The following SMCO4 variants were observed in gnomAD, a reference collection of about 807,000 sequenced individuals.
SMCO4 encodes the protein single-pass membrane and coiled-coil domain-containing protein 4.
Under a neutral mutation model 3.6 loss-of-function variants are expected in SMCO4, and 4 were observed. The observed-to-expected ratio is 1.11, with a 90% CI of 0.54 to 2.53. SMCO4 has a LOEUF of 2.53. SMCO4 is among the 30% of genes most tolerant of loss of function. SMCO4 has a pLI of 0.02. For missense variants in SMCO4, 70 were observed against 80.8 expected (o/e 0.87, Z 0.51); for synonymous variants, 36 against 35.3 (o/e 1.02, Z -0.07).
intron 1 of SMCO4, among the ~76,000 whole-genome samples, chr11:93,538,942 G>A: frequency 6.6e-6 from 1 of 152,106 alleles, no homozygotes; most frequent in Non-Finnish European, 1.5e-5. Flanking sequence ...GACCCTCTCT[G>A]CCTACAGGAC....
At chr11:93,479,387 G>T in intron 2 of SMCO4, 118 bp from the exon 3 acceptor site, 1 of 989,550 alleles carries the variant, frequency 1.0e-6, no homozygotes, top group Non-Finnish European at 1.4e-6. Context: ...AAAGGGCTAA[G>T]AACAGAGGCC....
intron 1 of SMCO4, among the ~76,000 whole-genome samples, chr11:93,538,100 C>T (rs909492106): frequency 2.6e-5 from 4 of 152,218 alleles, no homozygotes; most frequent in Non-Finnish European, 5.9e-5. Context: ...CCAGTATATT[C>T]CTGACATGGC....
intron 1 of SMCO4, among the ~76,000 whole-genome samples, chr11:93,501,254 A>T (rs968684518): frequency 7.2e-5 from 11 of 152,218 alleles, no homozygotes; most frequent in Non-Finnish European, 1.3e-4. Context: ...TAGCAATATG[A>T]GAAAGAGAGA....
intron 1 of SMCO4, among the ~76,000 whole-genome samples, chr11:93,534,276 A>G (rs2134635277): frequency 6.7e-6 from 1 of 148,886 alleles, no homozygotes; most frequent in East Asian, 2.0e-4. Flanking sequence ...ACATATATAT[A>G]TACATATATA....
chr11:93,504,167 C>T (rs2134601720), intron 1 of SMCO4, among the ~76,000 whole-genome samples: 1 of 152,300 alleles, frequency 6.6e-6, no homozygotes, highest in South Asian at 2.1e-4. Flanking sequence ...ATTTCTGCAA[C>T]TCCAACTTAA....
upstream of SMCO4, among the ~76,000 whole-genome samples, chr11:93,545,588 CA>C (rs143549634): frequency 0.35 from 29,950 of 84,410 alleles, 2,522 homozygotes; most frequent in Middle Eastern, 0.49. Flanking sequence ...AACTCTGTCT[CA>C]AAAAAAAAAA....
chr11:93,495,955 T>G (rs752456747), intron 2 of SMCO4, among the ~76,000 whole-genome samples: 5 of 152,196 alleles, frequency 3.3e-5, no homozygotes, highest in Admixed American at 6.5e-5. Context: ...GGGGAGAATG[T>G]CTCACAAGCT....
At chr11:93,491,521 T>C (rs1948717421) in intron 2 of SMCO4, among the ~76,000 whole-genome samples, 1 of 152,166 alleles carries the variant, frequency 6.6e-6, no homozygotes, top group Non-Finnish European at 1.5e-5. Flanking sequence ...GCTCCCACCT[T>C]AGAAGTGAGA....
intron 1 of SMCO4, among the ~76,000 whole-genome samples, chr11:93,540,089 C>T (rs1183814732): frequency 1.3e-5 from 2 of 152,148 alleles, no homozygotes; most frequent in Non-Finnish European, 2.9e-5. Context: ...AAGACAATCA[C>T]AGGCCCTGGA....
chr11:93,489,109 G>C (rs1437907824), intron 2 of SMCO4, among the ~76,000 whole-genome samples: 3 of 152,188 alleles, frequency 2.0e-5, no homozygotes, highest in Admixed American at 2.0e-4. Context: ...CCAGACTGCA[G>C]TAAACAAGAG....
intron 1 of SMCO4, among the ~76,000 whole-genome samples, chr11:93,533,052 G>A (rs192541491): frequency 7.5e-4 from 114 of 152,292 alleles, no homozygotes; most frequent in Non-Finnish European, 1.5e-3. Context: ...ATCCCAGAGG[G>A]CCAAACGGAG....
chr11:93,540,461 T>C (rs995322528), intron 1 of SMCO4, among the ~76,000 whole-genome samples: 1 of 152,260 alleles, frequency 6.6e-6, no homozygotes, highest in Admixed American at 6.5e-5. Context: ...TTCCAGAGTC[T>C]ACAAGTGTTT....
chr11:93,530,129 T>C (rs1949148263), intron 1 of SMCO4, among the ~76,000 whole-genome samples: 1 of 152,240 alleles, frequency 6.6e-6, no homozygotes, highest in Admixed American at 6.5e-5. Context: ...GCTTGCACAC[T>C]GACCTTGGCA....
intron 1 of SMCO4, among the ~76,000 whole-genome samples, chr11:93,506,508 G>A (rs1948904041): frequency 6.7e-6 from 1 of 149,866 alleles, no homozygotes; most frequent in South Asian, 2.1e-4. Flanking sequence ...GCACGATCTC[G>A]GCTCACTGCA....
At chr11:93,479,485 G>C (rs1332540606) in intron 2 of SMCO4, among the ~76,000 whole-genome samples, 1 of 152,206 alleles carries the variant, frequency 6.6e-6, no homozygotes, top group Admixed American at 6.5e-5. Flanking sequence ...CTCCGCTCCA[G>C]CGCCAGCTGG....
chr11:93,531,728 T>C (rs990138612), intron 1 of SMCO4, among the ~76,000 whole-genome samples: 4 of 152,134 alleles, frequency 2.6e-5, no homozygotes, highest in Non-Finnish European at 5.9e-5. Context: ...AAGGCAGTTG[T>C]GAAAGGAAAA....
At chr11:93,522,372 G>C (rs1436253843) in intron 1 of SMCO4, among the ~76,000 whole-genome samples, 1 of 152,152 alleles carries the variant, frequency 6.6e-6, no homozygotes, top group Non-Finnish European at 1.5e-5. Flanking sequence ...GACCTACCTG[G>C]TACTGGTTCT....
the SMCO4 span, among the ~76,000 whole-genome samples, chr11:93,553,216 G>A: frequency 6.6e-6 from 1 of 152,210 alleles, no homozygotes; most frequent in Non-Finnish European, 1.5e-5. Flanking sequence ...CAGAGACTTG[G>A]ACATGGTTCA....
rs869222015 is a variant in SMCO4 at position 93,522,107 on chromosome 11, AAC to A, written c.-154+21167_-154+21168del. ...GGCACAAACTTTAAAACAAAACAAA[AAC>A]AAAATGTCAGGAAGTTCTTCCTCAG... is the stretch of plus-strand genomic sequence containing the variant. On this transcript the variant is annotated intron_variant, in intron 1 of 2. Transcript: ENST00000298966. 3.7e-4 allele frequency among the ~76,000 whole-genome samples: 3 copies of A among 8,164 alleles called. No individual in the cohort carries two copies. In the South Asian group the frequency reaches 0.015, roughly 40 times the overall value. The allele number at this position is 8,164 out of a possible 152,430, so 5.4% of individuals were successfully genotyped here.
Sources: allele counts gnomAD v4.1 joint callset (sites outside exome capture counted in the v4.1 genomes callset), GRCh38; gene constraint gnomAD v4.1.1; transcripts MANE v1.5; gene names NCBI Gene and HGNC (gene_info 2026-07-23, HGNC 2026-07-21).